MAST4: variants seen among roughly 807,000 people sequenced by gnomAD.
MAST4 encodes microtubule-associated serine/threonine-protein kinase 4.
In MAST4, 89 loss-of-function variants were observed where a neutral mutation model predicts 162.7. The observed-to-expected ratio is 0.55, with a 90% CI of 0.46 to 0.65. The LOEUF (loss-of-function observed/expected upper bound fraction) is 0.65, where lower values mean the gene tolerates loss of function less well. Among genes scored for constraint, MAST4 ranks in the 30% least tolerant of loss-of-function variants. MAST4 has a pLI of 0.00. For missense variants in MAST4, 3,153 were observed against 3,374.0 expected, an observed-to-expected ratio of 0.93 and a Z score of 1.62; for synonymous variants, 1,479 against 1,361.1, an observed-to-expected ratio of 1.09 and a Z score of -1.91.
In MAST4 at chr5:66,712,222, C is replaced by G. The variant is rs374563943; in HGVS notation, c.364-47487C>G. 1.7e-3 allele frequency among the ~76,000 whole-genome samples: 265 copies of G among 152,312 alleles called. 1 individual carries two copies. The highest frequency in any genetic ancestry group is 6.0e-3 in the African/African-American group (249 of 41,564). ...ATGTGGTATGTATATATTTAGGAAC[C>G]AGTCACATGGTAAATGTAAGTTTAA... is the stretch of plus-strand genomic sequence containing the variant. On this transcript the variant is annotated intron_variant, in intron 1 of 28. Coordinates refer to ENST00000403625, the MANE Select transcript of MAST4 (RefSeq NM_001164664.2).
At chr5:66,999,829 C>A (rs1473091220) in intron 4 of MAST4, among the ~76,000 whole-genome samples, 1 of 152,060 alleles carries the variant, frequency 6.6e-6, no homozygotes, top group Non-Finnish European at 1.5e-5. Context: ...ATGATACAAC[C>A]TTGCCTATTA....
intron 4 of MAST4, among the ~76,000 whole-genome samples, chr5:67,046,173 C>T (rs1050204405): frequency 3.9e-5 from 6 of 152,008 alleles, no homozygotes; most frequent in South Asian, 4.2e-4. Context: ...TTTGTGTAAG[C>T]GCGCTCTGTG....
intron 1 of MAST4, among the ~76,000 whole-genome samples, chr5:66,749,688 C>T (rs1412952262): frequency 3.3e-5 from 5 of 152,206 alleles, no homozygotes; most frequent in African/African-American, 1.2e-4. Context: ...CATATATGTA[C>T]TGTCTTCATC....
rs1238361109 is a variant in MAST4, at chr5:67,005,142, A to G, written c.675-49262A>G. 2.3e-4 allele frequency: 166 copies of G among 721,106 alleles called. 2 individuals carry two copies. The East Asian group carries it at 4.2e-3, about 18-fold the overall frequency. 44.7% of individuals were successfully genotyped at this position (721,106 alleles called of 1,614,324 possible). ...GAATGCTTTCACTTCCCAGGGGCCC[A>G]CAGGCGGAGCTGCCTGAGCCCCTCA... On this transcript the variant is annotated intron_variant, in intron 4 of 28. Coordinates refer to ENST00000403625, the MANE Select transcript of MAST4 (RefSeq NM_001164664.2).
chr5:66,626,018 T>C (rs1173911671), intron 1 of MAST4, among the ~76,000 whole-genome samples: 1 of 152,082 alleles, frequency 6.6e-6, no homozygotes, highest in Non-Finnish European at 1.5e-5. Context: ...CTAAGCAAAA[T>C]GAGACACAGA....
At chr5:66,723,141 C>T (rs1420628635) in intron 1 of MAST4, among the ~76,000 whole-genome samples, 1 of 152,112 alleles carries the variant, frequency 6.6e-6, no homozygotes, top group African/African-American at 2.4e-5. Context: ...TTCAGTGGCA[C>T]TTCAGTGAGA....
chr5:67,145,600 T>C (rs891935708), intron 23 of MAST4, among the ~76,000 whole-genome samples: 3 of 152,186 alleles, frequency 2.0e-5, no homozygotes, highest in South Asian at 2.1e-4. Flanking sequence ...CAAACTGTTA[T>C]TGCTTCCGTT....
chr5:66,853,964 ATAAGT>A (rs1214211169), intron 3 of MAST4, among the ~76,000 whole-genome samples: 5 of 152,228 alleles, frequency 3.3e-5, no homozygotes, highest in African/African-American at 4.8e-5. Context: ...ATAGTTTAAA[ATAAGT>A]TAGGGAAGTT....
chr5:66,894,890 C>G (rs1377714239), intron 3 of MAST4, among the ~76,000 whole-genome samples: 1 of 152,046 alleles, frequency 6.6e-6, no homozygotes, highest in Non-Finnish European at 1.5e-5. Context: ...TTTTTCCTGC[C>G]CACTTGGAAG....
chr5:67,015,224 T>C (rs1753136877), intron 4 of MAST4, among the ~76,000 whole-genome samples: 1 of 152,208 alleles, frequency 6.6e-6, no homozygotes, highest in African/African-American at 2.4e-5. Flanking sequence ...GACCTATTGT[T>C]CCAGAAAGAT....
chr5:67,081,416 A>C (rs1762641176), intron 5 of MAST4, among the ~76,000 whole-genome samples: 1 of 152,096 alleles, frequency 6.6e-6, no homozygotes, highest in African/African-American at 2.4e-5. Flanking sequence ...AAGTGAGGTG[A>C]ATGTAAAACA....
At chr5:66,704,956 G>A (rs982261330) in intron 1 of MAST4, among the ~76,000 whole-genome samples, 1 of 152,148 alleles carries the variant, frequency 6.6e-6, no homozygotes, top group African/African-American at 2.4e-5. Context: ...TAGAGGTGGG[G>A]TCACTCAACC....
intron 1 of MAST4, among the ~76,000 whole-genome samples, chr5:66,609,706 T>G (rs1270522943): frequency 2.3e-4 from 20 of 85,854 alleles, no homozygotes; most frequent in East Asian, 1.5e-3. Context: ...TTTTTTTTTG[T>G]TTTTTTTTTT....
intron 4 of MAST4, among the ~76,000 whole-genome samples, chr5:66,973,749 C>T (rs567782792): frequency 8.6e-5 from 13 of 151,980 alleles, no homozygotes; most frequent in Non-Finnish European, 1.6e-4. Flanking sequence ...AATTGGTGTT[C>T]TTCAGTTGAA....
intron 4 of MAST4, among the ~76,000 whole-genome samples, chr5:67,009,769 C>G (rs1752454330): frequency 6.6e-6 from 1 of 152,142 alleles, no homozygotes; most frequent in African/African-American, 2.4e-5. Context: ...GAAGACATGT[C>G]TAGCCACACT....
rs115181284 is a variant in MAST4 at position 67,016,719 on chromosome 5, C to T, written c.675-37685C>T. Reference sequence around the variant, plus strand: ...CTTATGGTGTCGCTCTGCACAGCTGCTGTCTTCCAGGCCTTTGAATGATTA... The same window carrying T: ...CTTATGGTGTCGCTCTGCACAGCTGTTGTCTTCCAGGCCTTTGAATGATTA... On this transcript the variant is annotated intron_variant, in intron 4 of 28. Transcript: ENST00000403625. Among the ~76,000 whole-genome samples the T allele has an allele frequency of 8.1e-3, 1,234 of 152,328 alleles. 13 individuals are homozygous for T. The highest frequency in any genetic ancestry group is 0.028 in the African/African-American group (1,145 of 41,572).
intron 4 of MAST4, among the ~76,000 whole-genome samples, chr5:67,023,872 T>C (rs1417429236): frequency 6.6e-6 from 1 of 152,090 alleles, no homozygotes; most frequent in Non-Finnish European, 1.5e-5. Context: ...TCTTCTTCAT[T>C]CTGTTCATGT....
intron 4 of MAST4, among the ~76,000 whole-genome samples, chr5:67,043,108 A>G (rs1039422783): frequency 1.3e-5 from 2 of 152,192 alleles, no homozygotes; most frequent in Non-Finnish European, 2.9e-5. Context: ...TTGTGGGTCA[A>G]AAAGAAGTGG....
In MAST4 at chr5:66,897,397, T is replaced by C. The variant is rs186843361; in HGVS notation, c.643-2554T>C. On this transcript the variant is annotated intron_variant, in intron 3 of 28. Coordinates refer to ENST00000403625, the MANE Select transcript of MAST4 (RefSeq NM_001164664.2). Reference sequence around the variant, plus strand: ...CGATAAAATGACTTGATGCCGTTCATTGACGTCTGACAGGTGCAGATTTAT... The same window carrying C: ...CGATAAAATGACTTGATGCCGTTCACTGACGTCTGACAGGTGCAGATTTAT... Among the ~76,000 whole-genome samples the C allele has an allele frequency of 1.8e-3, 274 of 152,370 alleles. 2 individuals are homozygous for C. The highest frequency in any genetic ancestry group is 6.2e-3 in the African/African-American group (256 of 41,600).
Sources: allele counts gnomAD v4.1 joint callset (sites outside exome capture counted in the v4.1 genomes callset), GRCh38; gene constraint gnomAD v4.1.1; transcripts MANE v1.5; gene names NCBI Gene and HGNC (gene_info 2026-07-23, HGNC 2026-07-21).